The following ZNF438 variants were observed in gnomAD, a reference collection of about 807,000 sequenced individuals.
ZNF438 encodes zinc finger protein 438.
In ZNF438, 25 loss-of-function variants were observed where a neutral mutation model predicts 38.0. The ratio of observed to expected loss-of-function variants is 0.66; its 90% CI spans 0.48 to 0.92. The LOEUF is 0.92. Among genes scored for constraint, ZNF438 ranks in the 40% least tolerant of loss-of-function variants. ZNF438 has a pLI of 0.00. For synonymous variants in ZNF438, 372 were observed against 364.1 expected, an observed-to-expected ratio of 1.02 and a Z score of -0.25; for missense variants, 1,007 against 999.6, an observed-to-expected ratio of 1.01 and a Z score of -0.10.
intron 1 of ZNF438, among the ~76,000 whole-genome samples, chr10:30,967,208 C>G (rs906556246): frequency 3.9e-5 from 6 of 152,158 alleles, no homozygotes; most frequent in Admixed American, 2.6e-4. Context: ...AAACAGAAAG[C>G]CTTTTTGCCA....
chr10:30,868,072 A>ACTTTT (rs138850828), intron 4 of ZNF438, among the ~76,000 whole-genome samples: 1 of 149,904 alleles, frequency 6.7e-6, no homozygotes. Flanking sequence ...GTTTTTAAAG[A>ACTTTT]ATTTTTTTTT....
intron 2 of ZNF438, among the ~76,000 whole-genome samples, chr10:30,927,470 C>A (rs1416062035): frequency 2.0e-5 from 3 of 152,228 alleles, no homozygotes; most frequent in Non-Finnish European, 4.4e-5. Flanking sequence ...TCCTCCCAGA[C>A]AGCAGGATCA....
intron 4 of ZNF438, among the ~76,000 whole-genome samples, chr10:30,863,413 C>T (rs1319048584): frequency 2.0e-5 from 3 of 152,254 alleles, no homozygotes; most frequent in East Asian, 1.9e-4. Flanking sequence ...CAGATCCTGT[C>T]GTGTGACTGA....
At position 30,958,248 on chromosome 10, in the gene ZNF438, G is replaced by T. The variant is rs188437088; in HGVS notation, c.-191-16597C>A. Among the ~76,000 whole-genome samples the T allele has an allele frequency of 2.4e-4, 36 of 147,146 alleles. 1 individual carries two copies. The highest frequency in any genetic ancestry group is 8.7e-4 in the African/African-American group (36 of 41,236). ...AGGGGGCTCAAGAAACAGGTCTTCAGAAGAGAGTCTTCAGTTATTTACTAT... is the reference window on the plus strand; with the variant it reads ...AGGGGGCTCAAGAAACAGGTCTTCATAAGAGAGTCTTCAGTTATTTACTAT... On this transcript the variant is annotated intron_variant, in intron 1 of 5. Coordinates refer to ENST00000413025, the Ensembl canonical transcript of ZNF438.
chr10:30,970,986 C>T (rs1336910274), intron 1 of ZNF438, among the ~76,000 whole-genome samples: 1 of 152,208 alleles, frequency 6.6e-6, no homozygotes, highest in East Asian at 1.9e-4. Context: ...ACACCCGACT[C>T]TGGGGACTTG....
intron 1 of ZNF438, among the ~76,000 whole-genome samples, chr10:30,970,252 C>A (rs2050599885): frequency 6.6e-6 from 1 of 151,964 alleles, no homozygotes; most frequent in Admixed American, 6.6e-5. Context: ...ATATAGTAAC[C>A]TTTCTCAAGT....
chr10:31,031,161 T>C (rs1225375364), intron 1 of ZNF438, among the ~76,000 whole-genome samples: 1 of 152,230 alleles, frequency 6.6e-6, no homozygotes, highest in African/African-American at 2.4e-5. Context: ...GTTCCCCTTC[T>C]ACAAGATTCC....
chr10:30,963,392 C>CAAA (rs753557823), intron 1 of ZNF438, among the ~76,000 whole-genome samples: 27 of 86,000 alleles, frequency 3.1e-4, no homozygotes, highest in East Asian at 2.2e-3. Flanking sequence ...AACTCCATCT[C>CAAA]AAAAAAAAAA....
intron 4 of ZNF438, among the ~76,000 whole-genome samples, chr10:30,869,580 G>T (rs1404581486): frequency 6.6e-6 from 1 of 152,162 alleles, no homozygotes; most frequent in Non-Finnish European, 1.5e-5. Flanking sequence ...CTACAGGCAT[G>T]TGTGTGTTTT....
chr10:30,893,264 C>G (rs1334279280), intron 3 of ZNF438, among the ~76,000 whole-genome samples: 1 of 152,156 alleles, frequency 6.6e-6, no homozygotes, highest in Non-Finnish European at 1.5e-5. Flanking sequence ...CTGTATTTTA[C>G]TGAAATATAT....
At chr10:30,965,332 G>T (rs2049984994) in intron 1 of ZNF438, among the ~76,000 whole-genome samples, 1 of 152,144 alleles carries the variant, frequency 6.6e-6, no homozygotes, top group Non-Finnish European at 1.5e-5. Flanking sequence ...ATACACTGCT[G>T]GTGGGAATGT....
intron 3 of ZNF438, 66 bp from the exon 5 acceptor site, chr10:30,877,131 AT>A: frequency 1.2e-6 from 1 of 860,022 alleles, no homozygotes; most frequent in Middle Eastern, 2.4e-4. Context: ...TGCATACTAA[AT>A]ATAGAAATTC....
intron 2 of ZNF438, among the ~76,000 whole-genome samples, chr10:30,916,556 G>C (rs2043661349): frequency 2.0e-5 from 3 of 151,720 alleles, no homozygotes; most frequent in Non-Finnish European, 4.4e-5. Context: ...TTCCTTTATA[G>C]TGTTACCATA....
Position 30,931,930 on chromosome 10 carries a change from A to C in ZNF438, c.-115+9645T>G, listed in dbSNP as rs11008307. Among the ~76,000 whole-genome samples the C allele has an allele frequency of 4.0e-3, 617 of 152,348 alleles. 7 individuals carry two copies. The highest frequency in any genetic ancestry group is 0.014 in the African/African-American group (579 of 41,576). ...ATCTCTGACCCAGAGACTGGGGACC[A>C]GGATAATTTTAATCTAAAGATTTAT... is the stretch of plus-strand genomic sequence containing the variant. On this transcript the variant is annotated intron_variant, in intron 2 of 5. Transcript: ENST00000413025.
intron 3 of ZNF438, among the ~76,000 whole-genome samples, chr10:30,883,755 T>C (rs1454805284): frequency 6.6e-6 from 1 of 152,028 alleles, no homozygotes; most frequent in Non-Finnish European, 1.5e-5. Context: ...ATTGGCCAGG[T>C]GCGTATCCAT....
At chr10:30,964,210 C>T (rs1449090378) in intron 1 of ZNF438, among the ~76,000 whole-genome samples, 1 of 152,166 alleles carries the variant, frequency 6.6e-6, no homozygotes, top group Non-Finnish European at 1.5e-5. Flanking sequence ...TGATAACTGT[C>T]ACCCTTACTT....
At chr10:30,980,018 AG>A (rs1029309200) in intron 1 of ZNF438, among the ~76,000 whole-genome samples, 1 of 152,150 alleles carries the variant, frequency 6.6e-6, no homozygotes, top group Non-Finnish European at 1.5e-5. Flanking sequence ...AACTGGTTGG[AG>A]TGAGGGGTGT....
intron 1 of ZNF438, among the ~76,000 whole-genome samples, chr10:30,978,817 G>C (rs1454262641): frequency 6.6e-6 from 1 of 152,160 alleles, no homozygotes; most frequent in Admixed American, 6.5e-5. Context: ...TTTCAAAATG[G>C]TAAATGAACA....
At chr10:30,935,776 C>T (rs2046186064) in intron 2 of ZNF438, among the ~76,000 whole-genome samples, 1 of 152,020 alleles carries the variant, frequency 6.6e-6, no homozygotes, top group African/African-American at 2.4e-5. Flanking sequence ...TGGTGGCAGG[C>T]AAGAGAAAGC....
Sources: gnomAD v4.1 joint callset for allele counts (sites outside exome capture counted in the v4.1 genomes callset) on GRCh38, gnomAD v4.1.1 for gene constraint, MANE v1.5 for transcripts, NCBI Gene and HGNC (gene_info 2026-07-23, HGNC 2026-07-21) for gene names.